ZNF519: variants seen among roughly 807,000 people sequenced by gnomAD.
ZNF519 encodes the protein zinc finger protein 519, also known as similar to Zinc finger protein 85 (Zinc finger protein HPF4) (HTF1).
Under a neutral mutation model 7.4 loss-of-function variants are expected in ZNF519, and 7 were observed. That is an observed-to-expected ratio of 0.94 (90% CI 0.54 to 1.77). ZNF519 has a LOEUF of 1.77. Among genes scored for constraint, ZNF519 ranks in the 40% most tolerant of loss-of-function variants. The pLI, the probability that ZNF519 is intolerant of heterozygous loss-of-function variation, is 0.00. For synonymous variants in ZNF519, 179 were observed against 203.3 expected, an observed-to-expected ratio of 0.88 and a Z score of 1.02; for missense variants, 586 against 623.1, an observed-to-expected ratio of 0.94 and a Z score of 0.63.
chr18:14,088,830 A>G (rs886232075), intron 2 of ZNF519, among the ~76,000 whole-genome samples: 2 of 152,178 alleles, frequency 1.3e-5, no homozygotes, highest in African/African-American at 2.4e-5. Context: ...TACAGCACAT[A>G]CTTAAGTATT....
chr18:14,094,124 G>GC (rs888640498), intron 2 of ZNF519, among the ~76,000 whole-genome samples: 12 of 151,974 alleles, frequency 7.9e-5, no homozygotes, highest in African/African-American at 1.2e-4. Flanking sequence ...GTGGTCTTTG[G>GC]CCCCCATACA....
chr18:14,113,027 C>A (rs1188826932), intron 2 of ZNF519, among the ~76,000 whole-genome samples: 1 of 152,174 alleles, frequency 6.6e-6, no homozygotes, highest in Non-Finnish European at 1.5e-5. Context: ...ACCTCCAGTT[C>A]CATCCATGTT....
Position 14,106,165 on chromosome 18 carries a change from C to G in ZNF519, c.375G>C (p.Gln125His). ...CAGCTGACAGAAACTGAGGCTTCTT[C>G]TGAAATATTCTATATTCTTTGTCTC... ...VKGDKEYRIF[Q>H]KKPQFLSAAP... Residue 125 changes from glutamine (Q) to histidine (H), a missense_variant, in exon 3 of 3, where the codon CAG becomes CAC. Physicochemically the swap from Gln to His is conservative, Grantham distance 24. Transcript: ENST00000590202. The G allele has an allele frequency of 6.2e-7, 1 of 1,611,716 alleles. No individual in the cohort carries two copies. The highest frequency in any genetic ancestry group is 2.2e-5 in the East Asian group (1 of 44,830).
In ZNF519 at chr18:14,105,449, G is replaced by A; in HGVS notation, c.1091C>T (p.Thr364Ile). 6.2e-7 allele frequency: 1 copy of A among 1,613,746 alleles called. No individual in the cohort carries two copies. The highest frequency in any genetic ancestry group is 1.3e-5 in the African/African-American group (1 of 74,928). ...TCCGGTATGGATTCTCTGGTGTTGA[G>A]TAAGGTATGACCCCCTGTTAAAGGC... ...GKAFNRGSYL[T>I]QHQRIHTGEK... Residue 364 changes from threonine (T) to isoleucine (I), a missense_variant, in exon 3 of 3, where the codon ACT (threonine) becomes ATT (isoleucine). Thr to Ile is a moderately conservative substitution (Grantham distance 89). Coordinates refer to ENST00000590202, the MANE Select transcript of ZNF519 (RefSeq NM_145287.4).
At chr18:14,106,760 T>G (rs1287784710) in intron 2 of ZNF519, among the ~76,000 whole-genome samples, 1 of 152,168 alleles carries the variant, frequency 6.6e-6, no homozygotes, top group Non-Finnish European at 1.5e-5. Context: ...CCCTGGCAGC[T>G]GTCACATACT....
chr18:14,088,131 C>T (rs994558779), intron 2 of ZNF519, among the ~76,000 whole-genome samples: 1 of 152,200 alleles, frequency 6.6e-6, no homozygotes, highest in Non-Finnish European at 1.5e-5. Context: ...TTACTTAACA[C>T]CTATGTGACA....
intron 2 of ZNF519, among the ~76,000 whole-genome samples, chr18:14,116,407 T>A (rs1054301516): frequency 6.6e-6 from 1 of 152,234 alleles, no homozygotes; most frequent in African/African-American, 2.4e-5. Context: ...CCACACTTCC[T>A]GTTTTTAGAA....
downstream of ZNF519, among the ~76,000 whole-genome samples, chr18:14,097,950 A>C (rs569863764): frequency 1.3e-5 from 2 of 151,822 alleles, no homozygotes; most frequent in Non-Finnish European, 2.9e-5. Context: ...TTTGTGGTCA[A>C]CATCCTATGG....
At chr18:14,086,352 A>G (rs991751981) in intron 2 of ZNF519, among the ~76,000 whole-genome samples, 1 of 152,100 alleles carries the variant, frequency 6.6e-6, no homozygotes, top group Non-Finnish European at 1.5e-5. Context: ...CCATGAATAA[A>G]TCTCAGGGGC....
Position 14,105,962 on chromosome 18 carries a change from G to A in ZNF519, c.578C>T (p.Ser193Phe). The A allele has an allele frequency of 1.9e-6, 3 of 1,601,606 alleles. No individual in the cohort carries two copies. The highest frequency in any genetic ancestry group is 1.7e-6 in the Non-Finnish European group (2 of 1,172,352). The change falls in exon 3 of 3, where the codon TCC (serine) becomes TTC (phenylalanine). Residue 193 changes from serine (S) to phenylalanine (F), a missense_variant. By Grantham distance (155) the Ser-to-Phe change is radical. Transcript: ENST00000590202. ...ATTTTCAGGGAAAATAAGCTTTGAG[G>A]ATTGGTAAAATACTTTTTCACATTC... ...CNECEKVFYQ[S>F]SKLIFPENIH...
At chr18:14,073,773 G>C (rs957905184), downstream of ZNF519, 3 of 152,162 alleles carry the variant, frequency 2.0e-5, no homozygotes, top group Non-Finnish European at 4.4e-5. Flanking sequence ...ACAAAAATAT[G>C]AATGTAGATT....
At chr18:14,085,541 C>G (rs1318532601) in intron 2 of ZNF519, among the ~76,000 whole-genome samples, 1 of 152,082 alleles carries the variant, frequency 6.6e-6, no homozygotes, top group Non-Finnish European at 1.5e-5. Flanking sequence ...ACAAAAGCAC[C>G]TTTACAAGTG....
intron 3 of ZNF519, among the ~76,000 whole-genome samples, chr18:14,084,667 G>A (rs2046082855): frequency 6.6e-6 from 1 of 152,076 alleles, no homozygotes; most frequent in South Asian, 2.1e-4. Context: ...CCCCCAAACT[G>A]CAGTTAGCCT....
At chr18:14,086,654 C>T (rs80201502) in intron 2 of ZNF519, among the ~76,000 whole-genome samples, 10 of 152,146 alleles carry the variant, frequency 6.6e-5, no homozygotes, top group Non-Finnish European at 1.2e-4. Flanking sequence ...GGAGCTGTTC[C>T]GGCCCCAGGC....
At chr18:14,098,161 CTT>C (rs11438208), downstream of ZNF519, among the ~76,000 whole-genome samples, 23 of 139,720 alleles carry the variant, frequency 1.6e-4, no homozygotes, top group Non-Finnish European at 1.7e-4. Context: ...CTTTCACTGT[CTT>C]TTTTTTTTTT....
rs1347278070 is a variant in ZNF519 at position 14,104,621 on chromosome 18, GAATAT to G, written c.*291_*295del. On this transcript the variant is annotated 3_prime_UTR_variant, in exon 3 of 3. Transcript: ENST00000590202. ...GTGATTACAAAAATAAGTGAACATT[GAATAT>G]AATTATGCCTCTCCATCAATGTCGT... 1 of 266,322 alleles carries G rather than the reference GAATAT, an allele frequency of 3.8e-6. No individual in the cohort carries two copies. Among genetic ancestry groups the G allele is most frequent in the African/African-American group, 2.2e-5 (1 of 45,334 alleles). 16.5% of individuals were successfully genotyped at this position (266,322 alleles called of 1,614,324 possible).
At chr18:14,080,172 T>C (rs187477342) in intron 3 of ZNF519, 3 of 152,086 alleles carry the variant, frequency 2.0e-5, no homozygotes, top group Admixed American at 6.6e-5. Flanking sequence ...AAGAACAATA[T>C]ATCAGTACAC....
At chr18:14,083,722 G>A (rs2046078737) in intron 3 of ZNF519, among the ~76,000 whole-genome samples, 1 of 152,134 alleles carries the variant, frequency 6.6e-6, no homozygotes, top group Non-Finnish European at 1.5e-5. Flanking sequence ...CAAATCAATA[G>A]TACTTTTGGG....
rs541196713 is a variant in ZNF519 at position 14,126,240 on chromosome 18, C to G, written c.4-1764G>C. On this transcript the variant is annotated intron_variant, in intron 1 of 2. Coordinates refer to ENST00000590202, the MANE Select transcript of ZNF519 (RefSeq NM_145287.4). ...TGCTGCTAAGAACTTTCAGTTTTAT[C>G]TTTTCTAAGCCTGACCAAGAGAAAT... Among the ~76,000 whole-genome samples, 74 of 152,258 alleles carry G rather than the reference C, an allele frequency of 4.9e-4. 1 individual carries two copies. The highest frequency in any genetic ancestry group is 1.6e-3 in the African/African-American group (68 of 41,548).
Sources: allele counts gnomAD v4.1 joint callset (sites outside exome capture counted in the v4.1 genomes callset), GRCh38; gene constraint gnomAD v4.1.1; transcripts MANE v1.5; gene names NCBI Gene and HGNC (gene_info 2026-07-23, HGNC 2026-07-21).